The following TAFA2 variants were observed in gnomAD, a reference collection of about 807,000 sequenced individuals.
TAFA2 encodes chemokine-like protein TAFA-2.
TAFA2 carries 7 observed loss-of-function variants against 18.8 expected under a neutral mutation model. The observed-to-expected ratio is 0.37, with a 90% CI of 0.21 to 0.70. The LOEUF (loss-of-function observed/expected upper bound fraction) is 0.70, where lower values mean the gene tolerates loss of function less well. Ranked by LOEUF, TAFA2 falls within the 30% of genes least tolerant of loss-of-function variation. TAFA2 has a pLI of 0.53. For synonymous variants in TAFA2, 60 were observed against 54.2 expected (o/e 1.11, Z -0.47); for missense variants, 122 against 158.1 (o/e 0.77, Z 1.23).
At chr12:61,734,832 T>C (rs1180053392) in intron 4 of TAFA2, among the ~76,000 whole-genome samples, 3 of 152,010 alleles carry the variant, frequency 2.0e-5, no homozygotes, top group African/African-American at 7.2e-5. Flanking sequence ...TCAGTGGTAA[T>C]AACTACCTTT....
chr12:62,202,769 C>T (rs1235843033), intron 1 of TAFA2, among the ~76,000 whole-genome samples: 3 of 151,004 alleles, frequency 2.0e-5, no homozygotes, highest in Admixed American at 6.6e-5. Flanking sequence ...TCATTATTTA[C>T]CCAGGAGTCA....
chr12:62,007,500 A>T (rs573692141), intron 1 of TAFA2, among the ~76,000 whole-genome samples: 45 of 152,202 alleles, frequency 3.0e-4, no homozygotes, highest in Non-Finnish European at 6.2e-4. Flanking sequence ...TAGGTCATAA[A>T]TATTTGATGA....
chr12:61,979,708 G>T (rs1044988162), intron 1 of TAFA2, among the ~76,000 whole-genome samples: 4 of 151,904 alleles, frequency 2.6e-5, no homozygotes, highest in African/African-American at 9.7e-5. Context: ...AAGAAGAAAA[G>T]AAAAACCAAT....
intron 2 of TAFA2, among the ~76,000 whole-genome samples, chr12:61,809,367 A>G (rs1871764549): frequency 6.6e-6 from 1 of 151,518 alleles, no homozygotes; most frequent in Non-Finnish European, 1.5e-5. Context: ...AAATAAATAA[A>G]CTGTTTTAAA....
chr12:61,829,897 C>T (rs1408666686), intron 2 of TAFA2, among the ~76,000 whole-genome samples: 1 of 151,722 alleles, frequency 6.6e-6, no homozygotes, highest in Non-Finnish European at 1.5e-5. Context: ...ATATCTCCCT[C>T]CTCCATCTAT....
rs375029306 is a variant in TAFA2 at position 62,142,084 on chromosome 12, C to T, written c.-2+49175G>A. On this transcript the variant is annotated intron_variant, in intron 1 of 4. Coordinates refer to ENST00000416284, the MANE Select transcript of TAFA2 (RefSeq NM_178539.5). The stretch of plus-strand genomic sequence containing the variant: ...TATGTGCTAGCTACCAGTAGGATTA[C>T]GTTCCCCTTCTTATAAATGAAGAAA... 3.3e-5 allele frequency among the ~76,000 whole-genome samples: 5 copies of T among 152,178 alleles called. No homozygotes were observed. In the East Asian group the frequency reaches 7.7e-4, roughly 23 times the overall value.
intron 1 of TAFA2, among the ~76,000 whole-genome samples, chr12:61,983,839 G>A (rs145465594): frequency 1.3e-5 from 2 of 152,028 alleles, no homozygotes; most frequent in African/African-American, 2.4e-5. Flanking sequence ...ATGACTTCAG[G>A]TTTACTCATT....
chr12:62,193,936 T>C (rs192083844), upstream of TAFA2, among the ~76,000 whole-genome samples: 2 of 152,342 alleles, frequency 1.3e-5, no homozygotes, highest in East Asian at 3.9e-4. Flanking sequence ...TGAAATCATT[T>C]AAAACAAAGC....
intron 2 of TAFA2, among the ~76,000 whole-genome samples, chr12:61,834,999 C>A (rs1396296741): frequency 6.6e-6 from 1 of 151,812 alleles, no homozygotes; most frequent in East Asian, 1.9e-4. Context: ...GACTATGATA[C>A]TCCAGAATTG....
intron 2 of TAFA2, among the ~76,000 whole-genome samples, chr12:61,859,888 T>C (rs1375914049): frequency 6.6e-6 from 1 of 152,234 alleles, no homozygotes. Context: ...ATTTGCTTTA[T>C]GTTTATTTTT....
At chr12:61,902,185 A>C (rs1052508249) in intron 1 of TAFA2, among the ~76,000 whole-genome samples, 1 of 151,988 alleles carries the variant, frequency 6.6e-6, no homozygotes, top group Non-Finnish European at 1.5e-5. Context: ...GCTGTCTACA[A>C]AATGATGTAA....
chr12:61,718,448 G>T (rs1011656845), intron 4 of TAFA2, among the ~76,000 whole-genome samples: 12 of 152,154 alleles, frequency 7.9e-5, no homozygotes, highest in African/African-American at 2.6e-4. Flanking sequence ...CCCTTCTCTT[G>T]GTACCCCAAC....
chr12:62,028,756 AG>A (rs1657292558), intron 1 of TAFA2, among the ~76,000 whole-genome samples: 1 of 152,176 alleles, frequency 6.6e-6, no homozygotes, highest in Admixed American at 6.5e-5. Context: ...GTGAGGTAGA[AG>A]CCAGGAATAA....
At chr12:61,900,732 G>C (rs1415683221) in intron 1 of TAFA2, among the ~76,000 whole-genome samples, 4 of 152,316 alleles carry the variant, frequency 2.6e-5, no homozygotes, top group South Asian at 2.1e-4. Flanking sequence ...TACAATTCAA[G>C]ATGAGATTTG....
chr12:61,914,897 T>C (rs1592482988), intron 1 of TAFA2, among the ~76,000 whole-genome samples: 1 of 152,168 alleles, frequency 6.6e-6, no homozygotes, highest in Non-Finnish European at 1.5e-5. Flanking sequence ...GCACAGTGGC[T>C]CCTGCCTGTA....
chr12:62,235,857 C>T (rs907140853), intron 1 of TAFA2, among the ~76,000 whole-genome samples: 14 of 151,968 alleles, frequency 9.2e-5, no homozygotes, highest in African/African-American at 2.4e-4. Context: ...GCTGGGACTA[C>T]GGGTTCATGG....
intron 1 of TAFA2, among the ~76,000 whole-genome samples, chr12:61,958,107 T>C (rs978064365): frequency 3.9e-5 from 6 of 152,124 alleles, no homozygotes; most frequent in African/African-American, 1.4e-4. Context: ...TGAACAGAAA[T>C]ATTGTGTACA....
At chr12:62,035,546 A>T (rs1881575604) in intron 1 of TAFA2, among the ~76,000 whole-genome samples, 1 of 140,760 alleles carries the variant, frequency 7.1e-6, no homozygotes, top group African/African-American at 3.0e-5. Flanking sequence ...GCCATAAAAT[A>T]AAAAAAATTA....
intron 4 of TAFA2, among the ~76,000 whole-genome samples, chr12:61,717,822 C>T (rs1869728320): frequency 2.0e-5 from 3 of 152,172 alleles, no homozygotes; most frequent in Admixed American, 1.3e-4. Flanking sequence ...GGTTTTATAC[C>T]AGTGTTTCTA....
Sources: gnomAD v4.1 joint callset for allele counts (sites outside exome capture counted in the v4.1 genomes callset) on GRCh38, gnomAD v4.1.1 for gene constraint, MANE v1.5 for transcripts, NCBI Gene and HGNC (gene_info 2026-07-23, HGNC 2026-07-21) for gene names.